The following STK11 variants were observed in gnomAD, a reference collection of about 807,000 sequenced individuals.
STK11 encodes serine/threonine-protein kinase STK11.
A neutral mutation model predicts 47.3 loss-of-function variants in STK11; 8 were observed. The observed-to-expected ratio is 0.17, with a 90% CI of 0.10 to 0.31. The LOEUF is 0.31. Ranked by LOEUF, STK11 falls within the 10% of genes least tolerant of loss-of-function variation. The pLI is 1.00. For synonymous variants in STK11, 330 were observed against 255.8 expected, an observed-to-expected ratio of 1.29 and a Z score of -2.77; for missense variants, 475 against 605.0, an observed-to-expected ratio of 0.79 and a Z score of 2.25.
At chr19:1,211,064 C>G (rs1392330980) in intron 1 of STK11, among the ~76,000 whole-genome samples, 1 of 152,088 alleles carries the variant, frequency 6.6e-6, no homozygotes, top group African/African-American at 2.4e-5. Flanking sequence ...CATCTGAGGT[C>G]AGGAGTTCAA....
Position 1,206,238 on chromosome 19 carries a change from G to A in STK11, c.-676G>A. On this transcript the variant is annotated 5_prime_UTR_variant, in exon 1 of 10. Transcript: ENST00000326873. The stretch of plus-strand genomic sequence containing the variant: ...GGCGCCGGGCAGCGACCAGCCCTGA[G>A]CGGAGCTGTTGGCCGCGGCGGGAGG... 5.1e-6 allele frequency: 1 copy of A among 195,652 alleles called. No homozygotes were observed. The highest frequency in any genetic ancestry group is 1.1e-5 in the Non-Finnish European group (1 of 94,540). The allele number at this position is 195,652 out of a possible 1,614,324, so 12.1% of individuals were successfully genotyped here.
intron 8 of STK11, chr19:1,223,633 C>T (rs2080801409): frequency 9.4e-7 from 1 of 1,068,006 alleles, no homozygotes; most frequent in Non-Finnish European, 1.1e-6. Flanking sequence ...GCCCTTCTTC[C>T]CTAGGTGGCG....
chr19:1,213,307 T>G (rs2145414572), intron 1 of STK11, among the ~76,000 whole-genome samples: 1 of 152,260 alleles, frequency 6.6e-6, no homozygotes, highest in East Asian at 1.9e-4. Context: ...AAGTTCACCT[T>G]TTTAAAGTGT....
rs1481299816 is a variant in STK11 at position 1,223,022 on chromosome 19, G to T, written c.958G>T (p.Val320Leu). Residue 320 changes from valine (V) to leucine (L), a missense_variant, in exon 8 of 10, where the codon GTG (valine) becomes TTG (leucine). Transcript: ENST00000326873. The stretch of plus-strand genomic sequence containing the variant: ...GAAACATCCTCCGGCTGAAGCACCA[G>T]TGCCCATCCCACCGAGCCCAGACAC... ...RKKHPPAEAPVPIPPSPDTKD... is the reference protein window; with the variant it reads ...RKKHPPAEAPLPIPPSPDTKD... 1 of 1,587,068 alleles carries T rather than the reference G, an allele frequency of 6.3e-7. No individual in the cohort carries two copies. Among genetic ancestry groups the T allele is most frequent in the South Asian group, 1.1e-5 (1 of 87,264 alleles).
At chr19:1,219,472 C>T in intron 3 of STK11, 59 bp downstream of exon 3, 3 of 1,479,370 alleles carry the variant, frequency 2.0e-6, no homozygotes, top group Admixed American at 2.0e-5. Flanking sequence ...GCAGGGCAGG[C>T]TCCTTTCCGT....
chr19:1,224,689 G>T, intron 8 of STK11: 4 of 985,694 alleles, frequency 4.1e-6, no homozygotes, highest in Non-Finnish European at 4.8e-6. Flanking sequence ...CTGCCCTGGG[G>T]TGAGGTGCCT....
chr19:1,214,982 T>A (rs1035931329), intron 1 of STK11, among the ~76,000 whole-genome samples: 1 of 152,164 alleles, frequency 6.6e-6, no homozygotes, highest in South Asian at 2.1e-4. Flanking sequence ...GGCCACCGCA[T>A]CTCCTCTGAA....
intron 1 of STK11, among the ~76,000 whole-genome samples, chr19:1,207,643 G>A (rs1568691107): frequency 6.6e-6 from 1 of 152,226 alleles, no homozygotes; most frequent in Non-Finnish European, 1.5e-5. Context: ...ACCGGGGCCA[G>A]GCGAAATGTG....
At position 1,228,003 on chromosome 19, in the gene STK11, T is replaced by C; in HGVS notation, c.*427T>C. 6 of 1,067,468 alleles carry C rather than the reference T, an allele frequency of 5.6e-6. No individual in the cohort carries two copies. The highest frequency in any genetic ancestry group is 6.8e-6 in the Non-Finnish European group (6 of 880,810). 66.1% of individuals were successfully genotyped at this position (1,067,468 alleles called of 1,614,324 possible). A position where few individuals can be genotyped will look rare whatever the true frequency, so the allele number is the denominator to read the frequency against. ...ACCCCGCCATGCATGCAGCGCCACC[T>C]GGAAGCCGCGCGGCCGCTTTGGTTT... On this transcript the variant is annotated 3_prime_UTR_variant, in exon 10 of 10. Transcript: ENST00000326873.
chr19:1,214,171 G>C (rs1484000885), intron 1 of STK11, among the ~76,000 whole-genome samples: 1 of 152,150 alleles, frequency 6.6e-6, no homozygotes, highest in East Asian at 1.9e-4. Flanking sequence ...CTCCTCTTCT[G>C]CTCTTTTTCT....
chr19:1,213,683 C>T (rs1420997138), intron 1 of STK11, among the ~76,000 whole-genome samples: 1 of 152,246 alleles, frequency 6.6e-6, no homozygotes, highest in African/African-American at 2.4e-5. Context: ...TGGCTGGACA[C>T]TTGGGCTGCT....
chr19:1,210,526 C>T (rs1234308125), intron 1 of STK11, among the ~76,000 whole-genome samples: 2 of 152,090 alleles, frequency 1.3e-5, no homozygotes, highest in Non-Finnish European at 2.9e-5. Flanking sequence ...CTCTCACCGG[C>T]AAAAAGTATA....
At position 1,219,130 on chromosome 19, in the gene STK11, G is replaced by A. The variant is rs35113943; in HGVS notation, c.375-194G>A. On this transcript the variant is annotated intron_variant, in intron 2 of 9. Coordinates refer to ENST00000326873, the MANE Select transcript of STK11 (RefSeq NM_000455.5). ...AGTCAGCCCTGTCCTCCCCTTCCCC[G>A]TAGGCTCCTTCCTCCTGGGACGCTG... 0.16 allele frequency among the ~76,000 whole-genome samples: 24,119 copies of A among 152,056 alleles called. 2,260 individuals carry two copies. Among genetic ancestry groups the A allele is most frequent in the East Asian group, 0.32 (1,651 of 5,140 alleles).
rs587782421 is a variant in STK11, at chr19:1,219,427, G to A, written c.464+14G>A. ...CCAGGCCCACGGGTGCGTGCGCGGG[G>A]CAGGGGCCAGGGTGGGGCGGGGGCC... On this transcript the variant is annotated intron_variant, in intron 3 of 9. Transcript: ENST00000326873. 6.5e-6 allele frequency: 8 copies of A among 1,234,722 alleles called. No individual in the cohort carries two copies. The East Asian group carries it at 3.6e-4, about 56-fold the overall frequency. 76.5% of individuals were successfully genotyped at this position (1,234,722 alleles called of 1,614,324 possible).
At chr19:1,220,320 CCT>C (rs1191311796) in intron 3 of STK11, 51 bp from the exon 4 acceptor site, 1 of 1,564,468 alleles carries the variant, frequency 6.4e-7, no homozygotes, top group Non-Finnish European at 8.7e-7. Context: ...AAAGGGGACC[CCT>C]GTGAGGGGCA....
chr19:1,220,465 C>A lies in STK11; in HGVS notation c.557C>A (p.Thr186Asn), dbSNP rs2080774765. The stretch of plus-strand genomic sequence containing the variant: ...AAGCCGGGGAACCTGCTGCTCACCA[C>A]CGGTGGCACCCTCAAAATCTCCGAC... ...DIKPGNLLLTTGGTLKISDLG... is the reference protein window; with the variant it reads ...DIKPGNLLLTNGGTLKISDLG... Residue 186 changes from threonine to asparagine, a missense_variant, in exon 4 of 10, where the codon ACC becomes AAC. Coordinates refer to ENST00000326873, the MANE Select transcript of STK11 (RefSeq NM_000455.5). The A allele has an allele frequency of 6.2e-7, 1 of 1,607,080 alleles. No individual in the cohort carries two copies. The highest frequency in any genetic ancestry group is 8.5e-7 in the Non-Finnish European group (1 of 1,177,260).
At position 1,226,601 on chromosome 19, in the gene STK11, C is replaced by T. The variant is rs764639416; in HGVS notation, c.1256C>T (p.Ser419Phe). 1.9e-6 allele frequency: 3 copies of T among 1,563,632 alleles called. No individual in the cohort carries two copies. The highest frequency in any genetic ancestry group is 8.6e-7 in the Non-Finnish European group (1 of 1,156,104). Residue 419 changes from serine (S) to phenylalanine (F), a missense_variant, in exon 9 of 10, where the codon TCC becomes TTC. By Grantham distance (155) the Ser-to-Phe change is radical. This residue lies in a region of STK11 where 219 missense variants were observed against 189.2 expected (regional missense o/e 1.16). Coordinates refer to ENST00000326873, the MANE Select transcript of STK11 (RefSeq NM_000455.5). Reference sequence around the variant, plus strand: ...CCCAACCCTGCCCGCAAGGCCTGCTCCGCCAGCAGCAAGATCCGCCGGCTG... The same window carrying T: ...CCCAACCCTGCCCGCAAGGCCTGCTTCGCCAGCAGCAAGATCCGCCGGCTG... ...RAPNPARKAC[S>F]ASSKIRRLSA... is the part of the protein sequence containing the mutation.
At chr19:1,210,977 A>G (rs997503166) in intron 1 of STK11, among the ~76,000 whole-genome samples, 1 of 152,264 alleles carries the variant, frequency 6.6e-6, no homozygotes, top group Non-Finnish European at 1.5e-5. Context: ...CGTGGCCAAC[A>G]TGGTGAAACC....
At chr19:1,220,931 T>TTCACAGAGTGGCACGGCCGACCCTCC (rs2080779069) in intron 5 of STK11, among the ~76,000 whole-genome samples, 1 of 152,198 alleles carries the variant, frequency 6.6e-6, no homozygotes, top group East Asian at 1.9e-4. Context: ...GTCAGGGATC[T>TTCACAGAGTGGCACGGCCGACCCTCC]TCACAGAGTG....
Sources: allele counts gnomAD v4.1 joint callset (sites outside exome capture counted in the v4.1 genomes callset), GRCh38; gene constraint gnomAD v4.1.1; regional missense constraint gnomAD v4.1.1; transcripts MANE v1.5; gene names NCBI Gene and HGNC (gene_info 2026-07-23, HGNC 2026-07-21).